The following CTNNA3 variants were observed in gnomAD, a reference collection of about 807,000 sequenced individuals.
CTNNA3 encodes catenin alpha 3, also known as catenin alpha-3.
In CTNNA3, 76 loss-of-function variants were observed where a neutral mutation model predicts 95.7. That is an observed-to-expected ratio of 0.79 (90% confidence interval 0.66 to 0.96). The LOEUF (loss-of-function observed/expected upper bound fraction) is 0.96, where lower values mean the gene tolerates loss of function less well. Ranked by LOEUF, CTNNA3 falls within the 40% of genes least tolerant of loss-of-function variation. The pLI, the probability that CTNNA3 is intolerant of heterozygous loss-of-function variation, is 0.00. For missense variants in CTNNA3, 1,191 were observed against 1,089.8 expected, an observed-to-expected ratio of 1.09 and a Z score of -1.31; for synonymous variants, 431 against 374.4, an observed-to-expected ratio of 1.15 and a Z score of -1.74.
Position 67,051,821 on chromosome 10 carries a change from C to T in CTNNA3, c.1047+128496G>A, listed in dbSNP as rs150718363. ...CCAGGCTGGAGTGCAGTGGCACCAT[C>T]TCGGCTCACTGCAACCTCTGCCTCA... On this transcript the variant is annotated intron_variant, in intron 7 of 17. Coordinates refer to ENST00000433211, the MANE Select transcript of CTNNA3 (RefSeq NM_013266.4). Among the ~76,000 whole-genome samples, 626 of 151,790 alleles carry T rather than the reference C, an allele frequency of 4.1e-3. 2 individuals are homozygous for T. Among genetic ancestry groups the T allele is most frequent in the African/African-American group, 0.014 (583 of 41,338 alleles).
chr10:66,016,543 G>A (rs10996827), intron 15 of CTNNA3, among the ~76,000 whole-genome samples: 19,514 of 152,088 alleles, frequency 0.13, 1,342 homozygotes, highest in Non-Finnish European at 0.15. Flanking sequence ...ATTTTGAATT[G>A]TTTTGAAGAC....
chr10:66,333,036 TG>T lies in CTNNA3; in HGVS notation c.1732+46115del, dbSNP rs2092350296. 2.0e-5 allele frequency among the ~76,000 whole-genome samples: 3 copies of T among 152,106 alleles called. No homozygotes were observed. The South Asian group carries it at 6.2e-4, about 31-fold the overall frequency. ...GTGTAGAGGTGTTTATAGTATTCTCTGATGGTAGTTTGTATTTCTGTGGGAT... is the reference window on the plus strand; with the variant it reads ...GTGTAGAGGTGTTTATAGTATTCTCTATGGTAGTTTGTATTTCTGTGGGAT... On this transcript the variant is annotated intron_variant, in intron 12 of 17. Transcript: ENST00000433211.
At chr10:66,996,647 T>TCCAA (rs1851361925) in intron 7 of CTNNA3, among the ~76,000 whole-genome samples, 1 of 8,950 alleles carries the variant, frequency 1.1e-4, no homozygotes, top group African/African-American at 5.5e-4. Context: ...ACTCCGTCTC[T>TCCAA]ACAAAAAAAA....
At chr10:66,269,494 T>A (rs970185825) in intron 13 of CTNNA3, among the ~76,000 whole-genome samples, 15 of 152,324 alleles carry the variant, frequency 9.8e-5, no homozygotes, top group Admixed American at 1.3e-4. Flanking sequence ...TTAAAATGTA[T>A]TTTACAGCCA....
intron 13 of CTNNA3, among the ~76,000 whole-genome samples, chr10:66,200,229 G>C (rs953603596): frequency 7.1e-6 from 1 of 140,666 alleles, no homozygotes; most frequent in Admixed American, 7.2e-5. Context: ...GGAAGGGAAG[G>C]TAAGGGAAGG....
At chr10:66,576,735 A>C (rs757760588) in intron 10 of CTNNA3, among the ~76,000 whole-genome samples, 1 of 152,038 alleles carries the variant, frequency 6.6e-6, no homozygotes, top group Admixed American at 6.6e-5. Flanking sequence ...TCCACTGTCA[A>C]TGGGCATCTT....
At chr10:67,322,443 T>C (rs1230614758) in intron 5 of CTNNA3, among the ~76,000 whole-genome samples, 1 of 152,210 alleles carries the variant, frequency 6.6e-6, no homozygotes, top group Non-Finnish European at 1.5e-5. Flanking sequence ...GTTCTCATCA[T>C]TTAGCTCCCA....
At chr10:66,331,808 C>A (rs1355534932) in intron 12 of CTNNA3, among the ~76,000 whole-genome samples, 1 of 151,798 alleles carries the variant, frequency 6.6e-6, no homozygotes, top group East Asian at 1.9e-4. Flanking sequence ...TCCATATGAA[C>A]TTTAAAGTAG....
chr10:66,694,006 GCA>G (rs1847661573), intron 9 of CTNNA3, among the ~76,000 whole-genome samples: 1 of 151,998 alleles, frequency 6.6e-6, no homozygotes, highest in South Asian at 2.1e-4. Context: ...ACAAGAGAAA[GCA>G]GGAAACATCC....
intron 5 of CTNNA3, among the ~76,000 whole-genome samples, chr10:67,417,811 A>C (rs1167964784): frequency 2.0e-5 from 3 of 152,138 alleles, no homozygotes; most frequent in African/African-American, 7.2e-5. Context: ...TCTCCATTTA[A>C]ATTCTTACAT....
intron 11 of CTNNA3, among the ~76,000 whole-genome samples, chr10:66,498,146 C>A (rs1328053996): frequency 6.6e-6 from 1 of 151,978 alleles, no homozygotes; most frequent in Admixed American, 6.6e-5. Context: ...AAAAGTAAAT[C>A]ATATTTCTGA....
intron 11 of CTNNA3, among the ~76,000 whole-genome samples, chr10:66,429,132 A>G (rs933937668): frequency 1.3e-5 from 2 of 151,682 alleles, no homozygotes; most frequent in Admixed American, 6.6e-5. Context: ...ACACCTCTAC[A>G]CAAATAAACT....
intron 13 of CTNNA3, among the ~76,000 whole-genome samples, chr10:66,127,105 A>T (rs973086576): frequency 1.3e-5 from 2 of 151,910 alleles, no homozygotes; most frequent in Admixed American, 1.3e-4. Flanking sequence ...CCCCGTCTCT[A>T]CCAAAAATAC....
intron 3 of CTNNA3, among the ~76,000 whole-genome samples, chr10:67,541,026 T>A (rs1840669484): frequency 6.6e-6 from 1 of 151,962 alleles, no homozygotes; most frequent in Non-Finnish European, 1.5e-5. Context: ...TTATATTTCA[T>A]TGATACACTG....
intron 12 of CTNNA3, among the ~76,000 whole-genome samples, chr10:66,292,562 C>A (rs1237115281): frequency 6.6e-6 from 1 of 152,132 alleles, no homozygotes; most frequent in African/African-American, 2.4e-5. Context: ...CACTGCAATT[C>A]TTGGCTGTGC....
rs117703605 is a variant in CTNNA3, at chr10:67,145,335, T to C, written c.1047+34982A>G. Among the ~76,000 whole-genome samples, 165 of 152,280 alleles carry C rather than the reference T, an allele frequency of 1.1e-3. 1 individual carries two copies. Among genetic ancestry groups the C allele is most frequent in the Non-Finnish European group, 3.8e-4 (26 of 68,016 alleles). On this transcript the variant is annotated intron_variant, in intron 7 of 17. Transcript: ENST00000433211. ...CACTGGCAGACTTTTTCCCTATTCC[T>C]GAATCAGTTAACCCAAAAGAGTTGT... is the stretch of plus-strand genomic sequence containing the variant.
At position 66,908,373 on chromosome 10, in the gene CTNNA3, A is replaced by G. The variant is rs200491120; in HGVS notation, c.1048-132849T>C. Among the ~76,000 whole-genome samples the G allele has an allele frequency of 7.9e-5, 12 of 152,280 alleles. No homozygotes were observed. In the East Asian group the frequency reaches 2.1e-3, roughly 27 times the overall value. ...CAATTATTTCTGACAACAGGCTCAC[A>G]TTTCTTTCAGTCAAGTTAGGGTATT... On this transcript the variant is annotated intron_variant, in intron 7 of 17. Coordinates refer to ENST00000433211, the MANE Select transcript of CTNNA3 (RefSeq NM_013266.4).
At chr10:67,699,870 C>A (rs932114061), upstream of CTNNA3, among the ~76,000 whole-genome samples, 4 of 152,184 alleles carry the variant, frequency 2.6e-5, no homozygotes, top group Admixed American at 6.5e-5. Context: ...CTTTCCTAGT[C>A]AAAGAAAGGG....
chr10:66,567,958 C>T lies in CTNNA3; in HGVS notation c.1375-47185G>A, dbSNP rs181430996. Among the ~76,000 whole-genome samples the T allele has an allele frequency of 2.5e-3, 388 of 152,294 alleles. 1 individual carries two copies. The highest frequency in any genetic ancestry group is 8.9e-3 in the African/African-American group (368 of 41,564). ...TAACTGACACAGTTGCAGAGCCATC[C>T]ATTGGAACAACTACACTAAAATATA... On this transcript the variant is annotated intron_variant, in intron 10 of 17. Coordinates refer to ENST00000433211, the MANE Select transcript of CTNNA3 (RefSeq NM_013266.4).
Sources: gnomAD v4.1 joint callset for allele counts (sites outside exome capture counted in the v4.1 genomes callset) on GRCh38, gnomAD v4.1.1 for gene constraint, MANE v1.5 for transcripts, NCBI Gene and HGNC (gene_info 2026-07-23, HGNC 2026-07-21) for gene names.